Variants in ANKRD17 observed in about 807,000 individuals in gnomAD.
ANKRD17 encodes the protein ankyrin repeat domain 17, also known as ankyrin repeat domain-containing protein 17.
Under a neutral mutation model 229.7 loss-of-function variants are expected in ANKRD17, and 19 were observed. The ratio of observed to expected loss-of-function variants is 0.08; its 90% CI spans 0.06 to 0.12. The LOEUF (loss-of-function observed/expected upper bound fraction) is 0.12. ANKRD17 is among the 10% of genes least tolerant of loss of function. The pLI is 1.00. For synonymous variants in ANKRD17, 1,112 were observed against 1,146.1 expected (o/e 0.97, Z 0.60); for missense variants, 2,176 against 3,176.8 (o/e 0.68, Z 7.57).
intron 13 of ANKRD17, 106 bp from the exon 14 acceptor site, chr4:73,141,949 T>C (rs1436952183): frequency 1.0e-6 from 1 of 968,288 alleles, no homozygotes; most frequent in Non-Finnish European, 1.5e-6. Flanking sequence ...ATTTTTAATA[T>C]GTCATCTTAG....
At chr4:73,211,874 T>C (rs1021979765) in intron 1 of ANKRD17, among the ~76,000 whole-genome samples, 2 of 149,686 alleles carry the variant, frequency 1.3e-5, no homozygotes, top group Non-Finnish European at 3.0e-5. Flanking sequence ...AAAAATCTAA[T>C]TGTAAGCTTT....
At chr4:73,255,968 C>T (rs1221535707) in intron 1 of ANKRD17, among the ~76,000 whole-genome samples, 4 of 152,176 alleles carry the variant, frequency 2.6e-5, no homozygotes, top group African/African-American at 9.7e-5. Context: ...TCAGGTGATC[C>T]GCCCGCCTCG....
At chr4:73,081,335 G>A (rs1251191976) in intron 30 of ANKRD17, among the ~76,000 whole-genome samples, 1 of 152,154 alleles carries the variant, frequency 6.6e-6, no homozygotes, top group Non-Finnish European at 1.5e-5. Context: ...AACAGACCAT[G>A]AGTGAGAGAC....
chr4:73,187,930 C>T (rs1315920752), intron 1 of ANKRD17, among the ~76,000 whole-genome samples: 3 of 152,062 alleles, frequency 2.0e-5, no homozygotes, highest in Admixed American at 2.0e-4. Context: ...ACCATTTTTC[C>T]AGGGGCAGGA....
At chr4:73,093,565 C>T (rs531327693) in intron 28 of ANKRD17, among the ~76,000 whole-genome samples, 66 of 152,026 alleles carry the variant, frequency 4.3e-4, no homozygotes, top group Middle Eastern at 6.8e-3. Context: ...TTAGTAGAGA[C>T]GGGGTTTCCC....
chr4:73,076,130 A>G lies in ANKRD17; in HGVS notation c.*101T>C, dbSNP rs770426097. On this transcript the variant is annotated 3_prime_UTR_variant, in exon 34 of 34. Transcript: ENST00000358602. The stretch of plus-strand genomic sequence containing the variant: ...GCAAAAAGCCTACACACTTCAGTCA[A>G]GCACATCAGTAGAATGATTTGGGAG... The G allele has an allele frequency of 2.9e-5, 29 of 990,104 alleles. No homozygotes were observed. The highest frequency in any genetic ancestry group is 4.2e-5 in the Non-Finnish European group (29 of 693,918). The allele number at this position is 990,104 out of a possible 1,614,324, so 61.3% of individuals were successfully genotyped here. A position where few individuals can be genotyped will look rare whatever the true frequency, so the allele number is the denominator to read the frequency against.
chr4:73,088,570 T>C (rs1406049790), intron 29 of ANKRD17, among the ~76,000 whole-genome samples: 1 of 152,206 alleles, frequency 6.6e-6, no homozygotes, highest in Middle Eastern at 3.2e-3. Flanking sequence ...CCAACTACTA[T>C]AAAAATCAAA....
chr4:73,242,227 C>T (rs1560778989), intron 1 of ANKRD17, among the ~76,000 whole-genome samples: 2 of 152,020 alleles, frequency 1.3e-5, no homozygotes, highest in Non-Finnish European at 2.9e-5. Flanking sequence ...ACATTTGAGT[C>T]AGAAAATTCA....
intron 25 of ANKRD17, among the ~76,000 whole-genome samples, chr4:73,101,761 A>G (rs571605643): frequency 6.6e-6 from 1 of 151,994 alleles, no homozygotes; most frequent in Non-Finnish European, 1.5e-5. Context: ...ATGTACAAGT[A>G]CTTAAAGAGA....
intron 24 of ANKRD17, among the ~76,000 whole-genome samples, chr4:73,103,650 A>C (rs1724261259): frequency 6.6e-6 from 1 of 152,182 alleles, no homozygotes; most frequent in South Asian, 2.1e-4. Context: ...GTGTATTTTA[A>C]ATATGTGTCA....
Position 73,258,358 on chromosome 4 carries a change from C to A in ANKRD17, c.311G>T (p.Gly104Val), listed in dbSNP as rs756450663. The A allele has an allele frequency of 7.0e-6, 11 of 1,568,332 alleles. No individual in the cohort carries two copies. The Admixed American group carries it at 1.7e-4, about 24-fold the overall frequency. ...GCTGGTGCCGCCGCCGCCACCTCCG[C>A]CTCCACCGCCGCCTCCACCGCCGCC... is the stretch of plus-strand genomic sequence containing the variant. ...NSGGGGGGGG[G>V]GGGGGGTSSN... The change falls in exon 1 of 34, where the codon GGC becomes GTC. Residue 104 changes from glycine to valine, a missense_variant. Gly to Val is a moderately radical substitution (Grantham distance 109). Transcript: ENST00000358602.
At position 73,258,732 on chromosome 4, in the gene ANKRD17, C is replaced by T; in HGVS notation, c.-64G>A. 1 of 1,380,682 alleles carries T rather than the reference C, an allele frequency of 7.2e-7. No individual in the cohort carries two copies. Among genetic ancestry groups the T allele is most frequent in the Non-Finnish European group, 9.3e-7 (1 of 1,076,686 alleles). The allele number at this position is 1,380,682 out of a possible 1,614,324, so 85.5% of individuals were successfully genotyped here. A position where few individuals can be genotyped will look rare whatever the true frequency, so the allele number is the denominator to read the frequency against. ...GTGGGGCTACGCTCTACCGCGACTT[C>T]GGCCGCACTGGGGCCGACACAGCAA... On this transcript the variant is annotated 5_prime_UTR_variant, in exon 1 of 34. Coordinates refer to ENST00000358602, the MANE Select transcript of ANKRD17 (RefSeq NM_032217.5).
At chr4:73,241,392 A>G (rs1355424571) in intron 1 of ANKRD17, among the ~76,000 whole-genome samples, 3 of 152,230 alleles carry the variant, frequency 2.0e-5, no homozygotes, top group Non-Finnish European at 4.4e-5. Context: ...ATGGATAAAT[A>G]AAATGTGATC....
intron 1 of ANKRD17, among the ~76,000 whole-genome samples, chr4:73,180,369 G>C (rs1335297134): frequency 6.6e-6 from 1 of 152,116 alleles, no homozygotes; most frequent in African/African-American, 2.4e-5. Flanking sequence ...TTAGAAGTTA[G>C]ATCACAGAAG....
chr4:73,244,012 G>C (rs2149266932), intron 1 of ANKRD17, among the ~76,000 whole-genome samples: 1 of 152,128 alleles, frequency 6.6e-6, no homozygotes, highest in South Asian at 2.1e-4. Context: ...CTGCAGATTT[G>C]TTTCTCCTGA....
At chr4:73,122,546 A>T (rs929858040) in intron 18 of ANKRD17, among the ~76,000 whole-genome samples, 3 of 152,268 alleles carry the variant, frequency 2.0e-5, no homozygotes, top group African/African-American at 7.2e-5. Flanking sequence ...TAATGCCTAA[A>T]CAATCCTTTG....
chr4:73,110,932 C>A (rs1490052969), intron 24 of ANKRD17, among the ~76,000 whole-genome samples: 1 of 152,122 alleles, frequency 6.6e-6, no homozygotes, highest in Non-Finnish European at 1.5e-5. Flanking sequence ...CTCTTGACTT[C>A]TCTTAAAACT....
At chr4:73,127,307 T>C (rs1041465078) in intron 16 of ANKRD17, among the ~76,000 whole-genome samples, 1 of 152,176 alleles carries the variant, frequency 6.6e-6, no homozygotes, top group African/African-American at 2.4e-5. Context: ...GAAATAAAAA[T>C]GTAAATTATC....
At position 73,097,261 on chromosome 4, in the gene ANKRD17, G is replaced by A; in HGVS notation, c.5033C>T (p.Thr1678Ile). 6.4e-7 allele frequency: 1 copy of A among 1,570,176 alleles called. No homozygotes were observed. Among genetic ancestry groups the A allele is most frequent in the Non-Finnish European group, 8.6e-7 (1 of 1,164,060 alleles). ...AGAATTACTGGTCCCTTCACTGATA[G>A]TTTCTGACAATCTTTAACAAAGAGA... ...SGKASIKLSE[T>I]ISEGTSNSLS... The change falls in exon 27 of 34, where the codon ACT becomes ATT. Residue 1678 changes from threonine to isoleucine, a missense_variant. This residue lies in a region of ANKRD17 where 98 missense variants were observed against 101.0 expected (regional missense o/e 0.97). Transcript: ENST00000358602.
Sources: allele counts gnomAD v4.1 joint callset (sites outside exome capture counted in the v4.1 genomes callset), GRCh38; gene constraint gnomAD v4.1.1; regional missense constraint gnomAD v4.1.1; transcripts MANE v1.5; gene names NCBI Gene and HGNC (gene_info 2026-07-23, HGNC 2026-07-21).